The following KMT2E variants were observed in gnomAD, a reference collection of about 807,000 sequenced individuals.
KMT2E encodes the protein lysine methyltransferase 2E (inactive), also known as histone reader KMT2E.
KMT2E carries 30 observed loss-of-function variants against 184.6 expected under a neutral mutation model. That is an observed-to-expected ratio of 0.16 (90% confidence interval 0.12 to 0.22). The LOEUF is 0.22. Ranked by LOEUF, KMT2E falls within the 10% of genes least tolerant of loss-of-function variation. The pLI is 1.00. For missense variants in KMT2E, 2,023 were observed against 2,237.4 expected (o/e 0.90, Z 1.93); for synonymous variants, 815 against 776.5 (o/e 1.05, Z -0.82).
chr7:105,062,040 C>T (rs1217909265), intron 3 of KMT2E, 124 bp from the exon 4 acceptor site: 1 of 668,348 alleles, frequency 1.5e-6, no homozygotes, highest in Admixed American at 2.3e-5. Flanking sequence ...TATCCACCTG[C>T]TGTAAGTAGA....
chr7:105,112,045 A>G lies in KMT2E; in HGVS notation c.4289A>G (p.Gln1430Arg). ...CGTAATTCATCTGAGCAACTTTCAC[A>G]AAAGCTGCCTTCTGTGCCAACAAAG... ...HVRNSSEQLS[Q>R]KLPSVPTKLH... Residue 1430 changes from glutamine to arginine, a missense_variant, in exon 27 of 27, where the codon CAA (glutamine) becomes CGA (arginine). Around this residue, in one of 8 missense-constraint regions of KMT2E, gnomAD observed 1,108 missense variants for 1,050.9 expected, o/e 1.05. Transcript: ENST00000311117. 6.2e-7 allele frequency: 1 copy of G among 1,614,220 alleles called. No individual in the cohort carries two copies. The highest frequency in any genetic ancestry group is 1.1e-5 in the South Asian group (1 of 91,088).
chr7:105,061,841 A>T, intron 3 of KMT2E: 1 of 193,572 alleles, frequency 5.2e-6, no homozygotes, highest in Non-Finnish European at 1.0e-5. Context: ...TATTTCTACT[A>T]CTTCTTTGCA....
intron 17 of KMT2E, chr7:105,103,448 G>A (rs943379233): frequency 2.6e-5 from 4 of 152,122 alleles, no homozygotes; most frequent in African/African-American, 7.2e-5. Context: ...AGAGCTTTAT[G>A]TATGTTATTG....
chr7:105,040,910 G>T lies in KMT2E; in HGVS notation c.-43G>T, dbSNP rs1468970703. 1 of 1,474,060 alleles carries T rather than the reference G, an allele frequency of 6.8e-7. No homozygotes were observed. The highest frequency in any genetic ancestry group is 9.5e-7 in the Non-Finnish European group (1 of 1,057,126). The allele number at this position is 1,474,060 out of a possible 1,614,324, so 91.3% of individuals were successfully genotyped here. A position where few individuals can be genotyped will look rare whatever the true frequency, so the allele number is the denominator to read the frequency against. ...ATGCCCCAGTGTTTTGGATACCAATGCATAGGACTCCATAGTAATCGAATT... is the reference window on the plus strand; with the variant it reads ...ATGCCCCAGTGTTTTGGATACCAATTCATAGGACTCCATAGTAATCGAATT... On this transcript the variant is annotated 5_prime_UTR_variant, in exon 3 of 27. The change abolishes an upstream ATG in the 5' untranslated region. Coordinates refer to ENST00000311117, the MANE Select transcript of KMT2E (RefSeq NM_182931.3).
intron 8 of KMT2E, among the ~76,000 whole-genome samples, 162 bp downstream of exon 8, chr7:105,074,977 G>GT (rs1797467712): frequency 6.6e-6 from 1 of 152,168 alleles, no homozygotes; most frequent in Non-Finnish European, 1.5e-5. Context: ...ATTTTAACGT[G>GT]TTTTAAAGAT....
chr7:105,075,997 T>C lies in KMT2E; in HGVS notation c.730-46T>C. On this transcript the variant is annotated intron_variant, in intron 8 of 26. Coordinates refer to ENST00000311117, the MANE Select transcript of KMT2E (RefSeq NM_182931.3). Reference sequence around the variant, plus strand: ...CCAATTAATTCTTAAATATTAATTATGTCCAGTTTTTTAGGAAACTAACTA... The same window carrying C: ...CCAATTAATTCTTAAATATTAATTACGTCCAGTTTTTTAGGAAACTAACTA... 2.1e-6 allele frequency: 3 copies of C among 1,397,280 alleles called. No homozygotes were observed. In the African/African-American group the frequency reaches 4.3e-5, roughly 20 times the overall value. 86.6% of individuals were successfully genotyped at this position (1,397,280 alleles called of 1,614,324 possible).
intron 15 of KMT2E, among the ~76,000 whole-genome samples, chr7:105,100,975 T>C (rs1798631452): frequency 6.6e-6 from 1 of 152,210 alleles, no homozygotes; most frequent in Non-Finnish European, 1.5e-5. Flanking sequence ...TGCAAGACTT[T>C]ACCTCACAAC....
At chr7:105,055,142 T>C (rs1266766005) in intron 3 of KMT2E, among the ~76,000 whole-genome samples, 1 of 152,004 alleles carries the variant, frequency 6.6e-6, no homozygotes, top group Non-Finnish European at 1.5e-5. Context: ...CTACTCCACT[T>C]ACATCATTAA....
chr7:105,041,050 CAAA>C (rs58676744), intron 3 of KMT2E, 27 bp downstream of exon 3: 2,377 of 666,074 alleles, frequency 3.6e-3, no homozygotes, highest in Middle Eastern at 6.9e-3. Flanking sequence ...GTTACATAAG[CAAA>C]AAAAAAAAAA....
intron 1 of KMT2E, among the ~76,000 whole-genome samples, chr7:105,031,820 T>A (rs1468432692): frequency 2.1e-4 from 28 of 133,388 alleles, no homozygotes; most frequent in Middle Eastern, 5.9e-3. Context: ...CTGTAATCCC[T>A]GCACTTTGGG....
intron 22 of KMT2E, chr7:105,108,620 G>T: frequency 2.2e-6 from 1 of 461,408 alleles, no homozygotes; most frequent in Non-Finnish European, 4.3e-6. Context: ...ACCTAGGTTC[G>T]AATCCCGGCT....
chr7:105,063,455 T>C lies in KMT2E; in HGVS notation c.291T>C (p.Phe97=), dbSNP rs371844872. Reference sequence around the variant, plus strand: ...TAGGCATATTTACCACTCCTAATTTTGATGAAACTTCCAGTGCTACTACAA... The same window carrying C: ...TAGGCATATTTACCACTCCTAATTTCGATGAAACTTCCAGTGCTACTACAA... The part of the protein sequence containing the change: ...NEVGIFTTPN[F]DETSSATTIS... Residue 97 remains phenylalanine, a synonymous_variant, in exon 5 of 27, where the codon TTT becomes TTC. Transcript: ENST00000311117. 554 of 1,613,806 alleles carry C rather than the reference T, an allele frequency of 3.4e-4. 4 individuals are homozygous for C. The highest frequency in any genetic ancestry group is 2.4e-3 in the Admixed American group (142 of 59,970).
intron 13 of KMT2E, among the ~76,000 whole-genome samples, chr7:105,087,229 G>T (rs995922254): frequency 7.0e-6 from 1 of 143,072 alleles, no homozygotes; most frequent in Non-Finnish European, 1.5e-5. Flanking sequence ...TATTATATAA[G>T]CATATATATA....
chr7:105,104,879 A>AT (rs1307888280), intron 17 of KMT2E: 1 of 152,226 alleles, frequency 6.6e-6, no homozygotes, highest in Non-Finnish European at 1.5e-5. Flanking sequence ...AACTATATTA[A>AT]AAAGCTTGGC....
At chr7:105,049,055 A>G (rs571586945) in intron 3 of KMT2E, among the ~76,000 whole-genome samples, 1 of 152,334 alleles carries the variant, frequency 6.6e-6, no homozygotes, top group Admixed American at 6.5e-5. Flanking sequence ...AACAGGGAAA[A>G]AATATCAAAC....
chr7:105,026,003 C>T (rs1276023677), intron 1 of KMT2E, among the ~76,000 whole-genome samples: 1 of 152,046 alleles, frequency 6.6e-6, no homozygotes, highest in East Asian at 1.9e-4. Context: ...AACAAGAAAC[C>T]AGAATTCTAG....
intron 1 of KMT2E, among the ~76,000 whole-genome samples, chr7:105,029,466 C>T (rs1264039364): frequency 6.6e-6 from 1 of 152,178 alleles, no homozygotes; most frequent in Admixed American, 6.5e-5. Flanking sequence ...TTAAACAATA[C>T]TAAGAATTCC....
Position 105,105,919 on chromosome 7 carries a change from C to T in KMT2E, c.2512C>T (p.Pro838Ser). ...AGCAATTTTACATAGATTTAATTCACCCTGTCAAGAAAGATCCAGAAGTCC... is the reference window on the plus strand; with the variant it reads ...AGCAATTTTACATAGATTTAATTCATCCTGTCAAGAAAGATCCAGAAGTCC... ...NSAILHRFNS[P>S]CQERSRSPAV... The change falls in exon 19 of 27, where the codon CCC becomes TCC. Residue 838 changes from proline (P) to serine (S), a missense_variant. Around this residue, in one of 8 missense-constraint regions of KMT2E, gnomAD observed 514 missense variants for 621.8 expected, o/e 0.83. Transcript: ENST00000311117. The T allele has an allele frequency of 6.2e-7, 1 of 1,613,520 alleles. No individual in the cohort carries two copies. Among genetic ancestry groups the T allele is most frequent in the Non-Finnish European group, 8.5e-7 (1 of 1,179,610 alleles).
intron 11 of KMT2E, among the ~76,000 whole-genome samples, chr7:105,078,065 C>T (rs1797603153): frequency 1.3e-5 from 2 of 152,132 alleles, no homozygotes; most frequent in African/African-American, 4.8e-5. Flanking sequence ...CTGTGTCCTA[C>T]AATTATCAAA....
Sources: allele counts gnomAD v4.1 joint callset (sites outside exome capture counted in the v4.1 genomes callset), GRCh38; gene constraint gnomAD v4.1.1; regional missense constraint gnomAD v4.1.1; transcripts MANE v1.5; gene names NCBI Gene and HGNC (gene_info 2026-07-23, HGNC 2026-07-21).